SPAG16: variants seen among roughly 807,000 people sequenced by gnomAD.
SPAG16 encodes the protein sperm-associated antigen 16 protein.
In SPAG16, 86 loss-of-function variants were observed where a neutral mutation model predicts 80.4. That is an observed-to-expected ratio of 1.07 (90% confidence interval 0.90 to 1.28). The LOEUF is 1.28. SPAG16 is among the 50% of genes most tolerant of loss of function. SPAG16 has a pLI of 0.00. For synonymous variants in SPAG16, 294 were observed against 265.9 expected (o/e 1.11, Z -1.03); for missense variants, 870 against 765.3 (o/e 1.14, Z -1.61).
chr2:213,953,288 C>G (rs1186281411), intron 12 of SPAG16, among the ~76,000 whole-genome samples: 1 of 151,448 alleles, frequency 6.6e-6, no homozygotes. Flanking sequence ...TCAGAGAAAA[C>G]AAGAAACAAC....
intron 15 of SPAG16, among the ~76,000 whole-genome samples, chr2:214,296,524 C>T (rs942248724): frequency 6.6e-6 from 1 of 152,182 alleles, no homozygotes; most frequent in Non-Finnish European, 1.5e-5. Context: ...CAAACATTCT[C>T]TTTTCTCCAC....
At chr2:213,448,123 A>T (rs1406736323) in intron 9 of SPAG16, among the ~76,000 whole-genome samples, 7 of 152,248 alleles carry the variant, frequency 4.6e-5, no homozygotes, top group Admixed American at 6.5e-5. Flanking sequence ...ATCAAAAATT[A>T]GCTAATCAAA....
At chr2:213,287,486 A>G (rs1228280643) in intron 1 of SPAG16, among the ~76,000 whole-genome samples, 6 of 152,200 alleles carry the variant, frequency 3.9e-5, no homozygotes, top group African/African-American at 1.2e-4. Context: ...AGGAATAGTA[A>G]ATGAATACAT....
Position 213,340,149 on chromosome 2 carries a change from TA to T in SPAG16, c.537-13del, listed in dbSNP as rs1344806117. Reference sequence around the variant, plus strand: ...AATTAGCAGTGATTTATAAAGTTACTATTTTTTTTTCAGCAAAGCTAGAGAA... The same window carrying T: ...AATTAGCAGTGATTTATAAAGTTACTTTTTTTTTTCAGCAAAGCTAGAGAA... On this transcript the variant is annotated splice_polypyrimidine_tract_variant and intron_variant, in intron 5 of 15. Transcript: ENST00000331683. 1.9e-6 allele frequency: 3 copies of T among 1,549,754 alleles called. No homozygotes were observed. Among genetic ancestry groups the T allele is most frequent in the Non-Finnish European group, 2.7e-6 (3 of 1,131,030 alleles).
intron 10 of SPAG16, among the ~76,000 whole-genome samples, chr2:213,685,753 ATAG>A (rs1401615804): frequency 4.6e-5 from 7 of 152,204 alleles, no homozygotes; most frequent in African/African-American, 1.7e-4. Flanking sequence ...GAAAAAGATG[ATAG>A]TAGCTTGGAC....
chr2:214,076,827 G>C (rs996686645), intron 13 of SPAG16, among the ~76,000 whole-genome samples: 1 of 152,106 alleles, frequency 6.6e-6, no homozygotes, highest in African/African-American at 2.4e-5. Context: ...GATCTAGGCT[G>C]AAAGATGATA....
At chr2:213,494,660 G>T (rs929612502) in intron 10 of SPAG16, among the ~76,000 whole-genome samples, 19 of 152,104 alleles carry the variant, frequency 1.2e-4, no homozygotes, top group Non-Finnish European at 2.2e-4. Flanking sequence ...AACATATTTT[G>T]AAAATGTAAA....
chr2:213,976,135 T>TACACACACACACACACACAC (rs1553685174), intron 12 of SPAG16, among the ~76,000 whole-genome samples: 12 of 81,406 alleles, frequency 1.5e-4, no homozygotes, highest in African/African-American at 4.5e-4. Flanking sequence ...TATATATATA[T>TACACACACACACACACACAC]ACACACACAC....
intron 10 of SPAG16, among the ~76,000 whole-genome samples, chr2:213,608,166 T>C (rs999404018): frequency 6.6e-6 from 1 of 152,094 alleles, no homozygotes; most frequent in African/African-American, 2.4e-5. Context: ...TATTATACTT[T>C]CCATTTTTTA....
intron 13 of SPAG16, among the ~76,000 whole-genome samples, chr2:214,089,896 C>A (rs2052053633): frequency 6.6e-6 from 1 of 152,028 alleles, no homozygotes; most frequent in South Asian, 2.1e-4. Context: ...ATATCAACTT[C>A]TCTTTAAGAC....
At chr2:213,451,368 C>T (rs969175872) in intron 9 of SPAG16, among the ~76,000 whole-genome samples, 2 of 152,160 alleles carry the variant, frequency 1.3e-5, no homozygotes, top group Non-Finnish European at 2.9e-5. Context: ...CTCAAATATT[C>T]AGAACAGATC....
chr2:213,317,959 GTT>G (rs909960614), intron 5 of SPAG16: 11 of 154,734 alleles, frequency 7.1e-5, no homozygotes, highest in African/African-American at 2.7e-4. Context: ...TAAAAATAAA[GTT>G]TATTAAAAAA....
chr2:213,735,875 G>C (rs533690478), intron 10 of SPAG16, among the ~76,000 whole-genome samples: 166 of 152,286 alleles, frequency 1.1e-3, no homozygotes, highest in African/African-American at 3.8e-3. Flanking sequence ...CAACTGGGAT[G>C]TTTTGAATAT....
chr2:214,143,139 A>AGTT (rs2055448812), intron 14 of SPAG16, among the ~76,000 whole-genome samples: 2 of 151,770 alleles, frequency 1.3e-5, no homozygotes, highest in Non-Finnish European at 2.9e-5. Context: ...TTCTTTTTTA[A>AGTT]CTGTGTGAAC....
chr2:214,067,898 T>C (rs1176447821), intron 13 of SPAG16, among the ~76,000 whole-genome samples: 3 of 152,296 alleles, frequency 2.0e-5, no homozygotes, highest in African/African-American at 7.2e-5. Context: ...TAAAACATTC[T>C]TCAGTGATTA....
At chr2:213,440,113 G>A (rs1019376653) in intron 9 of SPAG16, among the ~76,000 whole-genome samples, 5 of 152,134 alleles carry the variant, frequency 3.3e-5, no homozygotes, top group Admixed American at 2.6e-4. Flanking sequence ...GCAGTTTTGT[G>A]TGTGTGTGTG....
chr2:213,891,708 T>A (rs531010394), intron 11 of SPAG16, among the ~76,000 whole-genome samples: 1 of 152,162 alleles, frequency 6.6e-6, no homozygotes, highest in Non-Finnish European at 1.5e-5. Context: ...AGAACTCAAA[T>A]AAGGAAATGA....
intron 10 of SPAG16, among the ~76,000 whole-genome samples, chr2:213,661,012 C>G (rs1278814315): frequency 6.6e-6 from 1 of 152,102 alleles, no homozygotes; most frequent in African/African-American, 2.4e-5. Context: ...TTGTCTCATT[C>G]CTTTGACTCT....
At chr2:214,377,706 A>G (rs774171124) in intron 15 of SPAG16, among the ~76,000 whole-genome samples, 1 of 152,144 alleles carries the variant, frequency 6.6e-6, no homozygotes, top group Non-Finnish European at 1.5e-5. Context: ...TGGGGTCAGC[A>G]CCCCTAACCC....
Sources: allele counts gnomAD v4.1 joint callset (sites outside exome capture counted in the v4.1 genomes callset), GRCh38; gene constraint gnomAD v4.1.1; transcripts MANE v1.5; gene names NCBI Gene and HGNC (gene_info 2026-07-23, HGNC 2026-07-21).